The following SPG21 variants were observed in gnomAD, a reference collection of about 807,000 sequenced individuals.
The protein encoded by SPG21 is SPG21 abhydrolase domain containing, maspardin, also known as maspardin.
A neutral mutation model predicts 38.9 loss-of-function variants in SPG21; 26 were observed. The observed-to-expected ratio is 0.67, with a 90% confidence interval of 0.49 to 0.93. SPG21 has a LOEUF of 0.93. Ranked by LOEUF, SPG21 falls within the 40% of genes least tolerant of loss-of-function variation. The probability of loss-of-function intolerance (pLI) is 0.00; values close to 1 mark genes in which losing one functional copy is unlikely to be tolerated. For missense variants in SPG21, 333 were observed against 376.5 expected, an observed-to-expected ratio of 0.88 and a Z score of 0.96; for synonymous variants, 136 against 128.9, an observed-to-expected ratio of 1.05 and a Z score of -0.37.
At chr15:64,969,753 CCAGCAGTT>C (rs1270382968) in intron 6 of SPG21, among the ~76,000 whole-genome samples, 1 of 151,688 alleles carries the variant, frequency 6.6e-6, no homozygotes, top group East Asian at 1.9e-4. Context: ...ATCATCTAGC[CCAGCAGTT>C]CCTAAATGCA....
At chr15:64,986,088 C>T (rs949731739) in intron 1 of SPG21, among the ~76,000 whole-genome samples, 1 of 152,196 alleles carries the variant, frequency 6.6e-6, no homozygotes, top group African/African-American at 2.4e-5. Context: ...TATGTTAAGG[C>T]CAGGCACAGT....
chr15:64,984,911 G>A lies in SPG21; in HGVS notation c.-24-1318C>T, dbSNP rs547821344. On this transcript the variant is annotated intron_variant, in intron 1 of 8. Transcript: ENST00000204566. ...ATTACAGGCACCTGCCACTGCGCCC[G>A]GCTAATTTTTTGTATTTTTAGTAGA... Among the ~76,000 whole-genome samples, 72 of 151,770 alleles carry A rather than the reference G, an allele frequency of 4.7e-4. No individual in the cohort carries two copies. The Middle Eastern group carries it at 0.014, about 29-fold the overall frequency.
At chr15:64,964,249 G>A (rs996036382) in intron 8 of SPG21, among the ~76,000 whole-genome samples, 14 of 152,138 alleles carry the variant, frequency 9.2e-5, no homozygotes, top group Admixed American at 8.5e-4. Flanking sequence ...CTCACTCCCT[G>A]AGCAGTCTCC....
At chr15:64,967,002 T>C (rs1258192183) in intron 7 of SPG21, among the ~76,000 whole-genome samples, 6 of 151,968 alleles carry the variant, frequency 3.9e-5, no homozygotes, top group Non-Finnish European at 5.9e-5. Flanking sequence ...TTTAAGTAAA[T>C]TGAAACCATA....
At chr15:64,970,365 T>C in intron 5 of SPG21, 143 bp from the exon 6 acceptor site, 1 of 695,700 alleles carries the variant, frequency 1.4e-6, no homozygotes, top group Non-Finnish European at 2.5e-6. Context: ...GCATCTAGTT[T>C]TTACACACAC....
In SPG21 at chr15:64,978,274, C is replaced by A. The variant is rs1453064476; in HGVS notation, c.226-1719G>T. Reference sequence around the variant, plus strand: ...ACCAGCCTGGACAACATGGTGAAACCCCATCTCTACTAAAAAATACAAAAA... The same window carrying A: ...ACCAGCCTGGACAACATGGTGAAACACCATCTCTACTAAAAAATACAAAAA... On this transcript the variant is annotated intron_variant, in intron 3 of 8. Transcript: ENST00000204566. 2.0e-5 allele frequency among the ~76,000 whole-genome samples: 3 copies of A among 151,670 alleles called. No homozygotes were observed. In the East Asian group the frequency reaches 5.9e-4, roughly 30 times the overall value.
chr15:64,982,207 C>T (rs1027887675), intron 2 of SPG21, among the ~76,000 whole-genome samples: 11 of 143,336 alleles, frequency 7.7e-5, no homozygotes, highest in African/African-American at 2.0e-4. Flanking sequence ...TGCAGTGGCA[C>T]GATCACAGCT....
At chr15:64,981,049 A>G in intron 2 of SPG21, 24 bp from the exon 3 acceptor site, 1 of 1,613,974 alleles carries the variant, frequency 6.2e-7, no homozygotes, top group Non-Finnish European at 8.5e-7. Context: ...TAAAAGAAAA[A>G]AGTGGAAAAC....
At chr15:64,987,393 G>GA (rs1315819841) in intron 1 of SPG21, 1 of 152,216 alleles carries the variant, frequency 6.6e-6, no homozygotes, top group Non-Finnish European at 1.5e-5. Flanking sequence ...GCTGCAAAGG[G>GA]AAAACAGCTG....
intron 6 of SPG21, 109 bp from the exon 7 acceptor site, chr15:64,969,471 G>C: frequency 1.2e-6 from 1 of 805,654 alleles, no homozygotes; most frequent in Non-Finnish European, 2.2e-6. Context: ...TCTGTGGTGG[G>C]GCCAGAAAAG....
Position 64,964,258 on chromosome 15 carries a change from C to T in SPG21, c.811-522G>A, listed in dbSNP as rs191331077. On this transcript the variant is annotated intron_variant, in intron 8 of 8. Transcript: ENST00000204566. ...TTGTTCCTCACTCCCTGAGCAGTCT[C>T]CCTGAGTCCCTGCAGAGTCTCCTGA... is the stretch of plus-strand genomic sequence containing the variant. Among the ~76,000 whole-genome samples the T allele has an allele frequency of 6.9e-4, 105 of 152,308 alleles. 1 individual carries two copies. Among genetic ancestry groups the T allele is most frequent in the Non-Finnish European group, 7.9e-4 (54 of 68,028 alleles).
At chr15:64,975,045 T>A (rs2085747786) in intron 4 of SPG21, among the ~76,000 whole-genome samples, 1 of 151,862 alleles carries the variant, frequency 6.6e-6, no homozygotes, top group Admixed American at 6.6e-5. Context: ...ATCCCAGCAC[T>A]TTGGGAGGCC....
intron 2 of SPG21, among the ~76,000 whole-genome samples, chr15:64,982,590 A>G (rs1198865623): frequency 6.6e-6 from 1 of 152,204 alleles, no homozygotes; most frequent in African/African-American, 2.4e-5. Context: ...AAAGATCTTA[A>G]GATCACTGGA....
At chr15:64,969,502 C>A in intron 6 of SPG21, 140 bp from the exon 7 acceptor site, 2 of 684,246 alleles carry the variant, frequency 2.9e-6, no homozygotes, top group South Asian at 3.2e-5. Context: ...GGAACCACAA[C>A]TTAGGTGAGA....
At chr15:64,969,990 A>T in intron 6 of SPG21, 124 bp downstream of exon 6, 3 of 848,050 alleles carry the variant, frequency 3.5e-6, no homozygotes, top group Non-Finnish European at 6.1e-6. Flanking sequence ...ATCTGCTCAG[A>T]TGTATTACTC....
intron 2 of SPG21, among the ~76,000 whole-genome samples, chr15:64,981,978 C>T (rs1424108263): frequency 6.6e-6 from 1 of 152,148 alleles, no homozygotes; most frequent in Non-Finnish European, 1.5e-5. Flanking sequence ...GCACACTAAC[C>T]AGGGTCACTG....
chr15:64,974,795 T>G lies in SPG21; in HGVS notation c.307-48A>C, dbSNP rs750540854. 6 of 1,610,932 alleles carry G rather than the reference T, an allele frequency of 3.7e-6. No individual in the cohort carries two copies. In the Admixed American group the frequency reaches 1.0e-4, roughly 27 times the overall value. The stretch of plus-strand genomic sequence containing the variant: ...CAGATTCTGAAATACTGATCAATCT[T>G]GAACCTGAGTATTAAAAAGTTGCTT... On this transcript the variant is annotated intron_variant, in intron 4 of 8. Transcript: ENST00000204566.
intron 3 of SPG21, 54 bp from the exon 4 acceptor site, chr15:64,976,609 C>T (rs2085780176): frequency 6.4e-6 from 9 of 1,404,960 alleles, no homozygotes; most frequent in Non-Finnish European, 8.0e-6. Context: ...AAAAATGCAA[C>T]TCACGTATTT....
At chr15:64,971,064 A>T (rs909046914) in intron 5 of SPG21, among the ~76,000 whole-genome samples, 48 of 151,814 alleles carry the variant, frequency 3.2e-4, no homozygotes, top group Admixed American at 9.2e-4. Flanking sequence ...TAAAAAATTT[A>T]AAAAAAAACT....
Sources: gnomAD v4.1 joint callset for allele counts (sites outside exome capture counted in the v4.1 genomes callset) on GRCh38, gnomAD v4.1.1 for gene constraint, MANE v1.5 for transcripts, NCBI Gene and HGNC (gene_info 2026-07-23, HGNC 2026-07-21) for gene names.